ADGRF4: variants seen among roughly 807,000 people sequenced by gnomAD.
The protein encoded by ADGRF4 is adhesion G protein-coupled receptor F4.
A neutral mutation model predicts 58.5 loss-of-function variants in ADGRF4; 63 were observed. That is an observed-to-expected ratio of 1.08 (90% CI 0.88 to 1.33). The LOEUF (loss-of-function observed/expected upper bound fraction) is 1.33. Among genes scored for constraint, ADGRF4 ranks in the 40% most tolerant of loss-of-function variants. ADGRF4 has a pLI of 0.00. For synonymous variants in ADGRF4, 313 were observed against 295.4 expected (o/e 1.06, Z -0.61); for missense variants, 931 against 843.9 (o/e 1.10, Z -1.28).
At chr6:47,719,194 C>T (rs563348571) in intron 9 of ADGRF4, among the ~76,000 whole-genome samples, 1 of 152,146 alleles carries the variant, frequency 6.6e-6, no homozygotes, top group African/African-American at 2.4e-5. Flanking sequence ...GGGGCTGAGT[C>T]TCATGGAACC....
At position 47,712,480 on chromosome 6, in the gene ADGRF4, G is replaced by GC. The variant is rs1334975367; in HGVS notation, c.424_425insC (p.Asp142AlafsTer7). The GC allele has an allele frequency of 6.2e-7, 1 of 1,614,062 alleles. No homozygotes were observed. The highest frequency in any genetic ancestry group is 8.5e-7 in the Non-Finnish European group (1 of 1,179,986). ...AGGAATCCGTAAGAACTGCCCCTTT[G>GC]ATTATGCCTGCATCACTGACATGGT... is the stretch of plus-strand genomic sequence containing the variant. On this transcript the variant is annotated frameshift_variant, in exon 5 of 10. Coordinates refer to ENST00000283303, the MANE Select transcript of ADGRF4 (RefSeq NM_153838.5). LOFTEE classifies it high-confidence loss of function.
chr6:47,701,453 C>A (rs1419599600), intron 1 of ADGRF4, among the ~76,000 whole-genome samples: 5 of 152,126 alleles, frequency 3.3e-5, no homozygotes, highest in Admixed American at 3.3e-4. Flanking sequence ...CTTGCAGACA[C>A]CTTGGGAAGG....
intron 1 of ADGRF4, among the ~76,000 whole-genome samples, chr6:47,701,911 G>A (rs1771596578): frequency 6.6e-6 from 1 of 152,170 alleles, no homozygotes; most frequent in African/African-American, 2.4e-5. Flanking sequence ...TCAGCTCACT[G>A]CAACCTCTGC....
In ADGRF4 at chr6:47,707,789, TTATTCCTAG is replaced by T. The variant is rs143802456; in HGVS notation, c.94-418_94-410del. ...TGATTCTATTATTGCTACCTAGTGATTATTCCTAGTATTCCTAGTATTCCTGTTCATTTC... is the reference window on the plus strand; with the variant it reads ...TGATTCTATTATTGCTACCTAGTGATTATTCCTAGTATTCCTGTTCATTTC... On this transcript the variant is annotated intron_variant, in intron 2 of 9. Coordinates refer to ENST00000283303, the MANE Select transcript of ADGRF4 (RefSeq NM_153838.5). Among the ~76,000 whole-genome samples the T allele has an allele frequency of 4.4e-3, 674 of 152,326 alleles. 3 individuals carry two copies. The highest frequency in any genetic ancestry group is 0.014 in the African/African-American group (584 of 41,576).
At chr6:47,712,272 A>T in intron 4 of ADGRF4, 85 bp from the exon 5 acceptor site, 2 of 1,351,488 alleles carry the variant, frequency 1.5e-6, no homozygotes, top group Non-Finnish European at 2.1e-6. Context: ...TACCTTACCC[A>T]TGTAGATTGT....
intron 1 of ADGRF4, among the ~76,000 whole-genome samples, chr6:47,705,135 G>A (rs893655404): frequency 6.6e-6 from 1 of 152,128 alleles, no homozygotes; most frequent in Non-Finnish European, 1.5e-5. Context: ...TCACCTGTTA[G>A]CCAGGATGGT....
chr6:47,718,272 A>T (rs1282888571), intron 8 of ADGRF4, 117 bp from the exon 9 acceptor site: 2 of 718,984 alleles, frequency 2.8e-6, no homozygotes, highest in Non-Finnish European at 5.2e-6. Context: ...GTGTAGCTAT[A>T]TCAGTGTGGG....
In ADGRF4 at chr6:47,712,342, ATT is replaced by A; in HGVS notation, c.301-13_301-12del. The A allele has an allele frequency of 6.2e-7, 1 of 1,612,034 alleles. No homozygotes were observed. Among genetic ancestry groups the A allele is most frequent in the South Asian group, 1.1e-5 (1 of 90,896 alleles). On this transcript the variant is annotated splice_polypyrimidine_tract_variant and intron_variant, in intron 4 of 9. Transcript: ENST00000283303. ...CTTAATCATTTTTGAATGAAACTAC[ATT>A]TGTTTTAAACAGGACTCAACTGGTG... is the stretch of plus-strand genomic sequence containing the variant.
intron 1 of ADGRF4, among the ~76,000 whole-genome samples, chr6:47,700,808 C>T (rs890635378): frequency 6.6e-6 from 1 of 152,214 alleles, no homozygotes; most frequent in Non-Finnish European, 1.5e-5. Context: ...GCAAAAACTT[C>T]AGATGCTGAT....
intron 4 of ADGRF4, among the ~76,000 whole-genome samples, chr6:47,711,724 A>G (rs999375958): frequency 2.0e-5 from 3 of 152,140 alleles, no homozygotes; most frequent in Non-Finnish European, 4.4e-5. Flanking sequence ...CTCCCCTGCA[A>G]TCCCATGGAA....
chr6:47,717,628 T>C (rs1355834900), intron 8 of ADGRF4, among the ~76,000 whole-genome samples: 21 of 152,208 alleles, frequency 1.4e-4, no homozygotes, highest in Non-Finnish European at 1.5e-5. Flanking sequence ...GGATCACAGA[T>C]TGGTAAAATG....
At chr6:47,709,838 G>A (rs965987580) in intron 3 of ADGRF4, among the ~76,000 whole-genome samples, 9 of 138,376 alleles carry the variant, frequency 6.5e-5, no homozygotes, top group African/African-American at 1.0e-4. Context: ...CCTAGTCTAC[G>A]TAGCATCACA....
chr6:47,710,338 G>A (rs1771830985), intron 3 of ADGRF4, among the ~76,000 whole-genome samples: 1 of 152,058 alleles, frequency 6.6e-6, no homozygotes, highest in Non-Finnish European at 1.5e-5. Flanking sequence ...AAAAGTTTAT[G>A]GACTCCTGCT....
chr6:47,703,789 T>C (rs1771643169), intron 1 of ADGRF4, among the ~76,000 whole-genome samples: 1 of 152,224 alleles, frequency 6.6e-6, no homozygotes, highest in African/African-American at 2.4e-5. Context: ...AATGTATCAT[T>C]ATTCAATATT....
intron 9 of ADGRF4, among the ~76,000 whole-genome samples, chr6:47,720,676 G>A (rs967266755): frequency 2.0e-5 from 3 of 152,200 alleles, no homozygotes; most frequent in African/African-American, 7.2e-5. Flanking sequence ...AGCACCTTCT[G>A]TTGTTCATAT....
rs1771976014 is a variant in ADGRF4, at chr6:47,714,964, T to C, written c.1719T>C (p.Asn573=). The change falls in exon 6 of 10, where the codon AAT becomes AAC. Residue 573 remains asparagine, a synonymous_variant. Coordinates refer to ENST00000283303, the MANE Select transcript of ADGRF4 (RefSeq NM_153838.5). Reference sequence around the variant, plus strand: ...CGGCGTTCGTCATTGTGGCTGTAAATCTGATTGTGGTTTTGGTTGTTGCTG... The same window carrying C: ...CGGCGTTCGTCATTGTGGCTGTAAACCTGATTGTGGTTTTGGTTGTTGCTG... ...AIPAFVIVAV[N]LIVVLVVAVN... 2 of 1,613,776 alleles carry C rather than the reference T, an allele frequency of 1.2e-6. No individual in the cohort carries two copies. The highest frequency in any genetic ancestry group is 1.7e-6 in the Non-Finnish European group (2 of 1,179,688).
At chr6:47,713,634 C>T (rs1189796717) in intron 5 of ADGRF4, among the ~76,000 whole-genome samples, 164 bp from the exon 6 acceptor site, 5 of 152,286 alleles carry the variant, frequency 3.3e-5, no homozygotes, top group Admixed American at 3.3e-4. Flanking sequence ...TTTCTTCCCT[C>T]TGTGTGGCCT....
rs1222247958 is a variant in ADGRF4 at position 47,712,338 on chromosome 6, C to T, written c.301-19C>T. 4 of 1,611,110 alleles carry T rather than the reference C, an allele frequency of 2.5e-6. No individual in the cohort carries two copies. Among genetic ancestry groups the T allele is most frequent in the Admixed American group, 3.3e-5 (2 of 59,858 alleles). On this transcript the variant is annotated intron_variant, in intron 4 of 9. Transcript: ENST00000283303. Reference sequence around the variant, plus strand: ...GGTACTTAATCATTTTTGAATGAAACTACATTTGTTTTAAACAGGACTCAA... The same window carrying T: ...GGTACTTAATCATTTTTGAATGAAATTACATTTGTTTTAAACAGGACTCAA...
At chr6:47,699,114 A>T (rs1048521188) in intron 1 of ADGRF4, among the ~76,000 whole-genome samples, 4 of 152,118 alleles carry the variant, frequency 2.6e-5, no homozygotes, top group African/African-American at 9.7e-5. Flanking sequence ...AAATTTCAAT[A>T]CCTGTCTTTT....
Sources: allele counts gnomAD v4.1 joint callset (sites outside exome capture counted in the v4.1 genomes callset), GRCh38; gene constraint gnomAD v4.1.1; transcripts MANE v1.5; gene names NCBI Gene and HGNC (gene_info 2026-07-23, HGNC 2026-07-21).